Variants in RBFOX1 observed in about 807,000 individuals in gnomAD.
The protein encoded by RBFOX1 is RNA binding protein fox-1 homolog 1.
A neutral mutation model predicts 57.7 loss-of-function variants in RBFOX1; 8 were observed. The ratio of observed to expected loss-of-function variants is 0.14; its 90% CI spans 0.08 to 0.25. The LOEUF is 0.25. Among genes scored for constraint, RBFOX1 ranks in the 10% least tolerant of loss-of-function variants. The pLI is 1.00. For missense variants in RBFOX1, 611 were observed against 548.5 expected (o/e 1.11, Z -1.14); for synonymous variants, 326 against 222.4 (o/e 1.47, Z -4.15).
chr16:7,067,946 G>T (rs1365060733), intron 4 of RBFOX1, among the ~76,000 whole-genome samples: 2 of 144,278 alleles, frequency 1.4e-5, no homozygotes, highest in Non-Finnish European at 3.0e-5. Flanking sequence ...TGTCTAGAGG[G>T]CGCCATTTTT....
chr16:6,628,707 A>C (rs2098342527), intron 2 of RBFOX1, among the ~76,000 whole-genome samples: 1 of 152,170 alleles, frequency 6.6e-6, no homozygotes, highest in African/African-American at 2.4e-5. Context: ...ACAAACCTTG[A>C]AGGGACCGTT....
chr16:6,280,943 C>T (rs1476151478), intron 1 of RBFOX1, among the ~76,000 whole-genome samples: 1 of 149,044 alleles, frequency 6.7e-6, no homozygotes, highest in South Asian at 2.2e-4. Context: ...GCTAGCAATG[C>T]TAGCAACATA....
chr16:6,644,444 C>T (rs145593997), intron 2 of RBFOX1, among the ~76,000 whole-genome samples: 66 of 152,294 alleles, frequency 4.3e-4, no homozygotes, highest in African/African-American at 1.5e-3. Context: ...TCTTCCTCAG[C>T]AGTAATCAAT....
chr16:5,636,659 A>G (rs1367306866), intron 3 of RBFOX1, among the ~76,000 whole-genome samples: 3 of 152,184 alleles, frequency 2.0e-5, no homozygotes, highest in East Asian at 3.8e-4. Flanking sequence ...AGGAATATGA[A>G]TCTAGCAAAA....
intron 3 of RBFOX1, among the ~76,000 whole-genome samples, chr16:5,780,261 C>A (rs567625637): frequency 2.0e-5 from 3 of 152,346 alleles, no homozygotes; most frequent in Non-Finnish European, 4.4e-5. Context: ...CTCTGCCTCC[C>A]AAAGTGTTCG....
chr16:7,046,489 C>G (rs529983768), intron 3 of RBFOX1, among the ~76,000 whole-genome samples: 2 of 151,822 alleles, frequency 1.3e-5, no homozygotes, highest in African/African-American at 4.8e-5. Flanking sequence ...ATATCAAGTT[C>G]AATACGTTAA....
At chr16:6,823,904 C>G (rs558193113) in intron 3 of RBFOX1, among the ~76,000 whole-genome samples, 3 of 152,088 alleles carry the variant, frequency 2.0e-5, no homozygotes, top group Non-Finnish European at 4.4e-5. Flanking sequence ...AAGGAGCATG[C>G]TGGAGTTACA....
intron 3 of RBFOX1, among the ~76,000 whole-genome samples, chr16:6,812,098 A>T (rs746792460): frequency 6.6e-6 from 1 of 152,130 alleles, no homozygotes; most frequent in African/African-American, 2.4e-5. Flanking sequence ...CATATGATGA[A>T]GAAGCCTTCA....
chr16:7,686,615 C>T (rs890017105), intron 14 of RBFOX1, among the ~76,000 whole-genome samples: 3 of 152,088 alleles, frequency 2.0e-5, no homozygotes, highest in Non-Finnish European at 2.9e-5. Context: ...AAAATGACTT[C>T]ACATTTGTTT....
intron 5 of RBFOX1, among the ~76,000 whole-genome samples, chr16:7,527,155 A>C (rs1028808627): frequency 6.6e-6 from 1 of 152,156 alleles, no homozygotes; most frequent in Non-Finnish European, 1.5e-5. Flanking sequence ...TGTTTTGTCA[A>C]TACCAGTTCT....
intron 3 of RBFOX1, among the ~76,000 whole-genome samples, chr16:5,714,521 A>T (rs996073560): frequency 2.6e-5 from 4 of 152,196 alleles, no homozygotes; most frequent in Non-Finnish European, 4.4e-5. Context: ...TATCTGGCCA[A>T]CCTGGGTGGG....
intron 1 of RBFOX1, among the ~76,000 whole-genome samples, chr16:6,293,225 G>A (rs1462983611): frequency 6.6e-6 from 1 of 152,154 alleles, no homozygotes; most frequent in African/African-American, 2.4e-5. Context: ...GTTAAGTAAT[G>A]TGTACCAAAT....
Position 6,501,382 on chromosome 16 carries a change from C to T in RBFOX1, c.-63-153221C>T, listed in dbSNP as rs539936305. 7.6e-5 allele frequency among the ~76,000 whole-genome samples: 11 copies of T among 144,560 alleles called. No homozygotes were observed. The South Asian group carries it at 2.4e-3, about 32-fold the overall frequency. The allele number at this position is 144,560 out of a possible 152,430, so 94.8% of individuals were successfully genotyped here. Reference sequence around the variant, plus strand: ...TTCAATTCCCACCTATGAGTGAGAACATGTGGTGTTTGTTTTTTTGTCCTT... The same window carrying T: ...TTCAATTCCCACCTATGAGTGAGAATATGTGGTGTTTGTTTTTTTGTCCTT... On this transcript the variant is annotated intron_variant, in intron 2 of 15. Coordinates refer to ENST00000550418, the MANE Select transcript of RBFOX1 (RefSeq NM_018723.4).
At position 5,484,276 on chromosome 16, in the gene RBFOX1, G is replaced by A. The variant is rs530984903; in HGVS notation, c.258+17022G>A. ...TCACCCATGAATCTGGCTGGACAGA[G>A]CCCTTCAGTTCTTTCTGGCTGTCAT... is the stretch of plus-strand genomic sequence containing the variant. On this transcript the variant is annotated intron_variant, in intron 2 of 2. Transcript: ENST00000585867. Among the ~76,000 whole-genome samples, 5 of 152,344 alleles carry A rather than the reference G, an allele frequency of 3.3e-5. No homozygotes were observed. In the East Asian group the frequency reaches 9.6e-4, roughly 29 times the overall value.
chr16:6,219,135 AT>A (rs1252959354), intron 1 of RBFOX1, among the ~76,000 whole-genome samples: 1 of 152,124 alleles, frequency 6.6e-6, no homozygotes. Context: ...GTGGTTGGTG[AT>A]TTTTTATATG....
chr16:6,538,073 A>G (rs2096759967), intron 2 of RBFOX1, among the ~76,000 whole-genome samples: 1 of 151,936 alleles, frequency 6.6e-6, no homozygotes. Context: ...ATATAAAATT[A>G]TATAAATATA....
chr16:6,013,790 A>G (rs558442420), intron 4 of RBFOX1, among the ~76,000 whole-genome samples: 27 of 152,254 alleles, frequency 1.8e-4, no homozygotes, highest in African/African-American at 6.0e-4. Flanking sequence ...GTTGGTTCCA[A>G]GTCTTTGCTA....
chr16:5,407,572 T>C (rs2066900804), intron 1 of RBFOX1, among the ~76,000 whole-genome samples: 2 of 151,860 alleles, frequency 1.3e-5, no homozygotes, highest in Admixed American at 6.6e-5. Context: ...TTTTTGTTTT[T>C]TTGTCTCACT....
At chr16:7,201,472 C>CT (rs34193115) in intron 4 of RBFOX1, among the ~76,000 whole-genome samples, 66,492 of 144,202 alleles carry the variant, frequency 0.46, 15,193 homozygotes, top group Middle Eastern at 0.55. Context: ...TTTTTCTTTT[C>CT]TTTTTTTTGA....
Sources: allele counts gnomAD v4.1 joint callset (sites outside exome capture counted in the v4.1 genomes callset), GRCh38; gene constraint gnomAD v4.1.1; transcripts MANE v1.5; gene names NCBI Gene and HGNC (gene_info 2026-07-23, HGNC 2026-07-21).